Variants in PCMT1 observed in about 807,000 individuals in gnomAD.
The protein encoded by PCMT1 is protein-L-isoaspartate(D-aspartate) O-methyltransferase.
In PCMT1, 9 loss-of-function variants were observed where a neutral mutation model predicts 29.2. The ratio of observed to expected loss-of-function variants is 0.31; its 90% CI spans 0.19 to 0.54. PCMT1 has a LOEUF of 0.54. Ranked by LOEUF, PCMT1 falls within the 20% of genes least tolerant of loss-of-function variation. The pLI is 0.95. For missense variants in PCMT1, 184 were observed against 282.2 expected, an observed-to-expected ratio of 0.65 and a Z score of 2.49; for synonymous variants, 98 against 97.5, an observed-to-expected ratio of 1.00 and a Z score of -0.03.
At chr6:149,798,988 A>T (rs1047344307) in intron 6 of PCMT1, 1 of 152,192 alleles carries the variant, frequency 6.6e-6, no homozygotes, top group Non-Finnish European at 1.5e-5. Context: ...CATATCATTT[A>T]TATTCAGAAT....
chr6:149,797,024 G>C (rs188014933), intron 6 of PCMT1: 1 of 152,452 alleles, frequency 6.6e-6, no homozygotes, highest in Non-Finnish European at 1.5e-5. Flanking sequence ...ATGTTGGCCA[G>C]GCTGGTCTCG....
At chr6:149,803,800 A>G (rs74377979) in intron 7 of PCMT1, among the ~76,000 whole-genome samples, 2 of 139,386 alleles carry the variant, frequency 1.4e-5, no homozygotes, top group African/African-American at 6.1e-5. Flanking sequence ...GCCACTGGAA[A>G]AAAAAAAAAA....
At chr6:149,756,880 C>T (rs909130656) in intron 1 of PCMT1, among the ~76,000 whole-genome samples, 8 of 151,724 alleles carry the variant, frequency 5.3e-5, no homozygotes, top group Non-Finnish European at 8.8e-5. Context: ...ATTGGCCGGG[C>T]GTGGTGGGTC....
chr6:149,808,205 C>G (rs968491679), intron 7 of PCMT1, among the ~76,000 whole-genome samples: 1 of 151,734 alleles, frequency 6.6e-6, no homozygotes, highest in East Asian at 1.9e-4. Flanking sequence ...TAATTATATA[C>G]TAGTAGAAAT....
intron 3 of PCMT1, among the ~76,000 whole-genome samples, chr6:149,786,041 C>T (rs1163335110): frequency 2.1e-5 from 3 of 145,148 alleles, no homozygotes; most frequent in African/African-American, 5.1e-5. Context: ...GGGGGGCTGA[C>T]CCCCCCACCT....
chr6:149,749,938 C>T lies in PCMT1; in HGVS notation c.37C>T (p.Leu13=). 6.2e-7 allele frequency: 1 copy of T among 1,610,942 alleles called. No individual in the cohort carries two copies. The highest frequency in any genetic ancestry group is 2.2e-5 in the East Asian group (1 of 44,794). ...ATCCGGCGGCGCCAGCCACTCGGAG[C>T]TAATCCACAATCTCCGCAGTAAGTG... The part of the protein sequence containing the change: ...WKSGGASHSE[L]IHNLRKNGII... The change falls in exon 1 of 8, where the codon CTA becomes TTA. Residue 13 remains leucine, a synonymous_variant. Coordinates refer to ENST00000464889, the MANE Select transcript of PCMT1 (RefSeq NM_001360452.2).
chr6:149,768,158 C>A (rs1787169397), intron 1 of PCMT1, among the ~76,000 whole-genome samples: 1 of 152,018 alleles, frequency 6.6e-6, no homozygotes, highest in Admixed American at 6.6e-5. Flanking sequence ...GTGGCATGAT[C>A]ACAGCTCACT....
At chr6:149,782,372 C>T (rs1335348943) in intron 3 of PCMT1, among the ~76,000 whole-genome samples, 1 of 152,002 alleles carries the variant, frequency 6.6e-6, no homozygotes, top group African/African-American at 2.4e-5. Flanking sequence ...ACCTTAAAAT[C>T]ACAAGCTTGG....
chr6:149,795,221 C>G (rs752590434), intron 5 of PCMT1: 15 of 377,284 alleles, frequency 4.0e-5, no homozygotes, highest in Non-Finnish European at 7.5e-5. Context: ...ATGTTAACTT[C>G]TCCAACACGA....
intron 5 of PCMT1, among the ~76,000 whole-genome samples, chr6:149,794,233 G>A (rs1413405278): frequency 6.6e-6 from 1 of 152,090 alleles, no homozygotes; most frequent in South Asian, 2.1e-4. Flanking sequence ...CCTGATGTTG[G>A]TTTTTGTGTA....
chr6:149,763,109 TATG>T (rs1206359200), intron 1 of PCMT1, among the ~76,000 whole-genome samples: 1 of 70,214 alleles, frequency 1.4e-5, no homozygotes, highest in South Asian at 4.1e-4. Context: ...TATATATATC[TATG>T]ATATGTATAT....
chr6:149,778,777 G>A (rs944273923), intron 3 of PCMT1, among the ~76,000 whole-genome samples: 1 of 152,072 alleles, frequency 6.6e-6, no homozygotes, highest in Non-Finnish European at 1.5e-5. Context: ...GAGCTCAAGC[G>A]ATCCTCCCAC....
At chr6:149,802,744 G>A (rs1775878403) in intron 7 of PCMT1, among the ~76,000 whole-genome samples, 1 of 151,778 alleles carries the variant, frequency 6.6e-6, no homozygotes, top group Admixed American at 6.6e-5. Context: ...GGATGGGCAT[G>A]GAAACAATGA....
intron 1 of PCMT1, 180 bp downstream of exon 1, chr6:149,750,136 A>C: frequency 1.2e-6 from 1 of 817,184 alleles, no homozygotes. Context: ...GGGACCTGTC[A>C]CTCGTCGACG....
chr6:149,801,026 C>T (rs1775809947), intron 6 of PCMT1, among the ~76,000 whole-genome samples: 4 of 152,176 alleles, frequency 2.6e-5, no homozygotes, highest in African/African-American at 9.7e-5. Flanking sequence ...AAGAGCTTGT[C>T]GTTTAATAGA....
intron 6 of PCMT1, 31 bp downstream of exon 6, chr6:149,796,531 T>G: frequency 6.8e-7 from 1 of 1,466,728 alleles, no homozygotes; most frequent in Non-Finnish European, 9.5e-7. Flanking sequence ...TTTGTGTGTT[T>G]TTATTCAACT....
At chr6:149,773,014 CA>C (rs1457273713) in intron 2 of PCMT1, 123 bp from the exon 3 acceptor site, 28 of 587,954 alleles carry the variant, frequency 4.8e-5, no homozygotes, top group Non-Finnish European at 7.2e-5. Flanking sequence ...GAGACTGTCT[CA>C]GAAAAAAAAA....
At chr6:149,751,327 A>AT (rs1562391980) in intron 1 of PCMT1, among the ~76,000 whole-genome samples, 6 of 151,768 alleles carry the variant, frequency 4.0e-5, no homozygotes, top group South Asian at 2.1e-4. Flanking sequence ...TCAAAAAAAA[A>AT]ATTTTTTTTT....
In PCMT1 at chr6:149,802,425, G is replaced by T. The variant is rs777757580; in HGVS notation, c.*37+9G>T. 5.2e-6 allele frequency: 8 copies of T among 1,545,798 alleles called. No homozygotes were observed. In the South Asian group the frequency reaches 8.7e-5, roughly 17 times the overall value. On this transcript the variant is annotated intron_variant, in intron 7 of 7. Transcript: ENST00000464889. The stretch of plus-strand genomic sequence containing the variant: ...TCTTCCACACATGCAAGGTGAAAGG[G>T]TGTGGATTTTAAGACATTAGACTAC...
Sources: gnomAD v4.1 joint callset for allele counts (sites outside exome capture counted in the v4.1 genomes callset) on GRCh38, gnomAD v4.1.1 for gene constraint, MANE v1.5 for transcripts, NCBI Gene and HGNC (gene_info 2026-07-23, HGNC 2026-07-21) for gene names.